The following GALNTL6 variants were observed in gnomAD, a reference collection of about 807,000 sequenced individuals.
GALNTL6 encodes polypeptide N-acetylgalactosaminyltransferase like 6, also known as polypeptide N-acetylgalactosaminyltransferase-like 6.
A neutral mutation model predicts 73.7 loss-of-function variants in GALNTL6; 46 were observed. That is an observed-to-expected ratio of 0.62 (90% CI 0.49 to 0.80). The LOEUF (loss-of-function observed/expected upper bound fraction) is 0.80. Ranked by LOEUF, GALNTL6 falls within the 30% of genes least tolerant of loss-of-function variation. The probability of loss-of-function intolerance (pLI) is 0.00; values close to 1 mark genes in which losing one functional copy is unlikely to be tolerated. For synonymous variants in GALNTL6, 259 were observed against 263.7 expected (o/e 0.98, Z 0.17); for missense variants, 604 against 755.0 (o/e 0.80, Z 2.34).
At chr4:172,287,920 A>T (rs558709326) in intron 3 of GALNTL6, among the ~76,000 whole-genome samples, 1 of 152,268 alleles carries the variant, frequency 6.6e-6, no homozygotes, top group Admixed American at 6.5e-5. Context: ...AAATGAGAGC[A>T]TTCCTGAAAC....
intron 2 of GALNTL6, among the ~76,000 whole-genome samples, chr4:171,996,771 A>G (rs957271255): frequency 6.7e-6 from 1 of 149,818 alleles, no homozygotes; most frequent in African/African-American, 2.5e-5. Flanking sequence ...AAGTCTACCC[A>G]CTATGTGTTG....
chr4:171,855,641 T>C (rs904551329), intron 2 of GALNTL6, among the ~76,000 whole-genome samples: 1 of 152,196 alleles, frequency 6.6e-6, no homozygotes, highest in African/African-American at 2.4e-5. Context: ...AGGAACATAA[T>C]TATGATTTTA....
chr4:172,558,670 A>G (rs1417176020), intron 5 of GALNTL6, among the ~76,000 whole-genome samples: 1 of 152,198 alleles, frequency 6.6e-6, no homozygotes, highest in Non-Finnish European at 1.5e-5. Context: ...CTATTTTTGT[A>G]TAACCACCCT....
intron 10 of GALNTL6, among the ~76,000 whole-genome samples, chr4:172,956,209 C>T (rs1035119323): frequency 2.0e-5 from 3 of 151,930 alleles, no homozygotes; most frequent in African/African-American, 7.3e-5. Flanking sequence ...GGCGTGGGAA[C>T]CTAGAGGGTG....
At chr4:172,886,688 G>A (rs138400516) in intron 8 of GALNTL6, among the ~76,000 whole-genome samples, 2,953 of 152,082 alleles carry the variant, frequency 0.019, 95 homozygotes, top group African/African-American at 0.067. Flanking sequence ...GCTTGAACCC[G>A]GGAGGCAGAA....
intron 5 of GALNTL6, among the ~76,000 whole-genome samples, chr4:172,609,625 C>CTCTCTGTGTGTGTGTGTGTGTG (rs753051714): frequency 3.2e-5 from 3 of 92,778 alleles, no homozygotes; most frequent in Non-Finnish European, 6.0e-5. Flanking sequence ...CTCTCTCTCT[C>CTCTCTGTGTGTGTGTGTGTGTG]TGTGTGTGTG....
intron 7 of GALNTL6, among the ~76,000 whole-genome samples, chr4:172,872,088 C>A (rs1308563240): frequency 6.6e-6 from 1 of 152,158 alleles, no homozygotes; most frequent in Non-Finnish European, 1.5e-5. Context: ...CCACTGTGCC[C>A]AGCAAGTTTA....
At chr4:172,377,889 CGCA>C (rs1357728814) in intron 5 of GALNTL6, among the ~76,000 whole-genome samples, 1 of 151,830 alleles carries the variant, frequency 6.6e-6, no homozygotes, top group Non-Finnish European at 1.5e-5. Flanking sequence ...GAGCGCTGCA[CGCA>C]GCACCAGATC....
At chr4:172,388,967 C>T (rs1350533910) in intron 5 of GALNTL6, among the ~76,000 whole-genome samples, 1 of 151,878 alleles carries the variant, frequency 6.6e-6, no homozygotes, top group Non-Finnish European at 1.5e-5. Context: ...ACTTTATTTT[C>T]TTGGTTTTTC....
intron 2 of GALNTL6, among the ~76,000 whole-genome samples, chr4:172,117,796 TAA>T (rs1733027292): frequency 6.6e-6 from 1 of 151,832 alleles, no homozygotes. Context: ...GAAATTAGAA[TAA>T]AAAGAGACGA....
At chr4:172,331,467 T>C (rs1005011648) in intron 4 of GALNTL6, among the ~76,000 whole-genome samples, 1 of 152,164 alleles carries the variant, frequency 6.6e-6, no homozygotes, top group Non-Finnish European at 1.5e-5. Flanking sequence ...TACAATATCA[T>C]ACAACAGATC....
At chr4:172,297,747 T>C (rs543574285) in intron 3 of GALNTL6, among the ~76,000 whole-genome samples, 1 of 152,328 alleles carries the variant, frequency 6.6e-6, no homozygotes, top group South Asian at 2.1e-4. Flanking sequence ...ATGTTTTGGT[T>C]ACTGTTGCCT....
chr4:172,152,334 C>T (rs1734115859), intron 2 of GALNTL6, among the ~76,000 whole-genome samples: 1 of 152,126 alleles, frequency 6.6e-6, no homozygotes, highest in African/African-American at 2.4e-5. Context: ...GTTTGTCAGA[C>T]AGGGGAATAT....
At chr4:172,318,029 A>C (rs559597745) in intron 4 of GALNTL6, among the ~76,000 whole-genome samples, 1 of 152,330 alleles carries the variant, frequency 6.6e-6, no homozygotes, top group African/African-American at 2.4e-5. Context: ...ATTACTTAAA[A>C]AATAAAGCAA....
At chr4:172,483,993 C>T (rs146339052) in intron 5 of GALNTL6, among the ~76,000 whole-genome samples, 10 of 152,236 alleles carry the variant, frequency 6.6e-5, no homozygotes, top group Admixed American at 4.6e-4. Context: ...ATGTGTATTT[C>T]GTAGGATCTT....
intron 2 of GALNTL6, among the ~76,000 whole-genome samples, chr4:171,923,429 G>A (rs185503433): frequency 1.0e-4 from 14 of 135,486 alleles, no homozygotes; most frequent in Admixed American, 3.2e-4. Context: ...ACGGAGTCTC[G>A]CTTTGTCACC....
chr4:171,881,418 A>T (rs964044398), intron 2 of GALNTL6, among the ~76,000 whole-genome samples: 1 of 152,102 alleles, frequency 6.6e-6, no homozygotes, highest in African/African-American at 2.4e-5. Flanking sequence ...TGATTGGATC[A>T]TGGGGGCAGG....
intron 4 of GALNTL6, among the ~76,000 whole-genome samples, chr4:172,345,097 T>C (rs1294373595): frequency 1.1e-5 from 1 of 94,544 alleles, no homozygotes; most frequent in African/African-American, 4.5e-5. Flanking sequence ...AGGTATTGTT[T>C]TTTTTTTTTT....
intron 10 of GALNTL6, among the ~76,000 whole-genome samples, chr4:172,966,082 G>C (rs1039038328): frequency 1.3e-5 from 2 of 152,174 alleles, no homozygotes; most frequent in Non-Finnish European, 2.9e-5. Context: ...TAAGAGAATT[G>C]AATAGAATTC....
Sources: gnomAD v4.1 joint callset for allele counts (sites outside exome capture counted in the v4.1 genomes callset) on GRCh38, gnomAD v4.1.1 for gene constraint, MANE v1.5 for transcripts, NCBI Gene and HGNC (gene_info 2026-07-23, HGNC 2026-07-21) for gene names.